AHDC1: variants seen among roughly 807,000 people sequenced by gnomAD.
AHDC1 encodes transcription factor Gibbin.
A neutral mutation model predicts 87.9 loss-of-function variants in AHDC1; 7 were observed. The ratio of observed to expected loss-of-function variants is 0.08; its 90% CI spans 0.05 to 0.15. The LOEUF (loss-of-function observed/expected upper bound fraction) is 0.15, where lower values mean the gene tolerates loss of function less well. Ranked by LOEUF, AHDC1 falls within the 10% of genes least tolerant of loss-of-function variation. AHDC1 has a pLI of 1.00. For synonymous variants in AHDC1, 1,051 were observed against 1,006.8 expected, an observed-to-expected ratio of 1.04 and a Z score of -0.83; for missense variants, 1,841 against 2,253.2, an observed-to-expected ratio of 0.82 and a Z score of 3.70.
At position 27,548,709 on chromosome 1, in the gene AHDC1, A is replaced by C; in HGVS notation, c.3407T>G (p.Val1136Gly). The change falls in exon 8 of 9, where the codon GTC (valine) becomes GGC (glycine). Residue 1136 changes from valine (V) to glycine (G), a missense_variant. By Grantham distance (109) the Val-to-Gly change is moderately radical. Around this residue, in one of 13 missense-constraint regions of AHDC1, gnomAD observed 378 missense variants for 399.0 expected, o/e 0.95. Coordinates refer to ENST00000673934, the MANE Select transcript of AHDC1 (RefSeq NM_001371928.1). Reference protein sequence around the residue: ...QLYNPSFDCHVSEPNVILDIS... With the variant: ...QLYNPSFDCHGSEPNVILDIS... ...GTCCAGGATCACGTTGGGCTCGCTG[A>C]CGTGGCAGTCAAAACTGGGATTGTA... 1 of 1,613,346 alleles carries C rather than the reference A, an allele frequency of 6.2e-7. No homozygotes were observed. Among genetic ancestry groups the C allele is most frequent in the Non-Finnish European group, 8.5e-7 (1 of 1,180,040 alleles).
chr1:27,577,673 C>T (rs1433117387), intron 3 of AHDC1, among the ~76,000 whole-genome samples: 1 of 152,230 alleles, frequency 6.6e-6, no homozygotes, highest in Non-Finnish European at 1.5e-5. Flanking sequence ...TCTCTGGGCC[C>T]CCTGTTTCCA....
chr1:27,547,792 C>T lies in AHDC1; in HGVS notation c.4324G>A (p.Ala1442Thr), dbSNP rs1196298684. Residue 1442 changes from alanine (A) to threonine (T), a missense_variant, in exon 8 of 9, where the codon GCC becomes ACC. Coordinates refer to ENST00000673934, the MANE Select transcript of AHDC1 (RefSeq NM_001371928.1). The surrounding 1 kb of genome is among the most constrained non-coding windows in gnomAD (Gnocchi z 4.9). The part of the protein sequence containing the change: ...ASLGHAAAAQ[A>T]HLSCRDLPLG... Reference sequence around the variant, plus strand: ...GGCAGGTCCCGGCAGCTCAGGTGGGCCTGGGCTGCAGCTGCGTGGCCCAGG... The same window carrying T: ...GGCAGGTCCCGGCAGCTCAGGTGGGTCTGGGCTGCAGCTGCGTGGCCCAGG... 5.7e-6 allele frequency: 9 copies of T among 1,570,314 alleles called. No individual in the cohort carries two copies. Among genetic ancestry groups the T allele is most frequent in the Non-Finnish European group, 6.9e-6 (8 of 1,156,972 alleles).
rs1171473907 is a variant in AHDC1 at position 27,549,827 on chromosome 1, C to T, written c.2289G>A (p.Glu763=). The T allele has an allele frequency of 3.1e-6, 5 of 1,613,666 alleles. No homozygotes were observed. The highest frequency in any genetic ancestry group is 4.2e-6 in the Non-Finnish European group (5 of 1,179,892). ...EQVPSGPGFG[E]AGAEWAGDKG... is the part of the protein sequence containing the mutation. ...TATCCCCGGCCCACTCAGCACCTGC[C>T]TCCCCAAAGCCTGGGCCACTGGGCA... The change falls in exon 8 of 9, where the codon GAG becomes GAA. Residue 763 remains glutamate (E), a synonymous_variant. Transcript: ENST00000673934.
At position 27,593,443 on chromosome 1, in the gene AHDC1, G is replaced by C. The variant is rs533201706; in HGVS notation, c.-629+9954C>G. Among the ~76,000 whole-genome samples the C allele has an allele frequency of 2.6e-5, 4 of 152,326 alleles. No individual in the cohort carries two copies. Among genetic ancestry groups the C allele is most frequent in the Non-Finnish European group, 5.9e-5 (4 of 68,016 alleles). ...CAGGCAGGCTGGGACCCAGGTCCCT[G>C]GTGTCCATGGGCAAAGATGGACCCA... On this transcript the variant is annotated intron_variant, in intron 3 of 8. Coordinates refer to ENST00000673934, the MANE Select transcript of AHDC1 (RefSeq NM_001371928.1). The surrounding 1 kb of genome is among the most constrained non-coding windows in gnomAD (Gnocchi z 4.9).
intron 8 of AHDC1, among the ~76,000 whole-genome samples, chr1:27,544,687 G>T (rs1006562615): frequency 6.6e-6 from 1 of 152,150 alleles, no homozygotes; most frequent in Non-Finnish European, 1.5e-5. Context: ...TGGTGATTTT[G>T]ATCATCCCCT....
At chr1:27,582,216 G>A (rs2088928746) in intron 3 of AHDC1, among the ~76,000 whole-genome samples, 3 of 152,294 alleles carry the variant, frequency 2.0e-5, no homozygotes, top group South Asian at 2.1e-4. Flanking sequence ...ACAGAACAGC[G>A]AATCCCACAG....
At chr1:27,574,995 A>G (rs1375843720) in intron 3 of AHDC1, among the ~76,000 whole-genome samples, 1 of 152,234 alleles carries the variant, frequency 6.6e-6, no homozygotes, top group Non-Finnish European at 1.5e-5. Context: ...GGATTTTCCC[A>G]GCACATCTGC....
chr1:27,590,979 T>A lies in AHDC1; in HGVS notation c.-629+12418A>T, dbSNP rs1340079670. On this transcript the variant is annotated intron_variant, in intron 3 of 8. Transcript: ENST00000673934. The surrounding 1 kb of genome is among the most constrained non-coding windows in gnomAD (Gnocchi z 5.4). ...GAGAAACGAGATGCTCCATGATTTA[T>A]GAGCCTAATTCTTTTCCCTTAAATT... Among the ~76,000 whole-genome samples, 1 of 152,186 alleles carries A rather than the reference T, an allele frequency of 6.6e-6. No individual in the cohort carries two copies. Among genetic ancestry groups the A allele is most frequent in the Non-Finnish European group, 1.5e-5 (1 of 68,016 alleles).
chr1:27,599,302 G>A (rs2089465734), intron 3 of AHDC1, among the ~76,000 whole-genome samples: 1 of 151,852 alleles, frequency 6.6e-6, no homozygotes, highest in Non-Finnish European at 1.5e-5. Context: ...CTCCCTCCCA[G>A]CTCTGGCTCT....
chr1:27,576,962 C>T (rs1310557097), intron 3 of AHDC1, among the ~76,000 whole-genome samples: 1 of 152,294 alleles, frequency 6.6e-6, no homozygotes, highest in African/African-American at 2.4e-5. Flanking sequence ...CCCACACCCC[C>T]CAACGCCAGC....
At chr1:27,566,547 T>G (rs2020323656) in intron 3 of AHDC1, among the ~76,000 whole-genome samples, 1 of 150,012 alleles carries the variant, frequency 6.7e-6, no homozygotes, top group South Asian at 2.1e-4. Context: ...ACAGAGGGAC[T>G]GACACACCCA....
chr1:27,564,519 G>A (rs998519174), intron 3 of AHDC1, among the ~76,000 whole-genome samples: 1 of 152,208 alleles, frequency 6.6e-6, no homozygotes, highest in Non-Finnish European at 1.5e-5. Context: ...GGAAGCTTCT[G>A]ATTGAAGAGA....
In AHDC1 at chr1:27,550,582, G is replaced by A. The variant is rs374849902; in HGVS notation, c.1534C>T (p.Arg512Cys). The A allele has an allele frequency of 1.2e-5, 19 of 1,613,608 alleles. No homozygotes were observed. Among genetic ancestry groups the A allele is most frequent in the East Asian group, 4.5e-5 (2 of 44,888 alleles). ...AGCGGGGTGGGCTCAGCCGACACGC[G>A]CAGGCCCAGCTCCTTGCCCTCCACG... is the stretch of plus-strand genomic sequence containing the variant. ...LSVEGKELGL[R>C]VSAEPTPLLK... The change falls in exon 8 of 9, where the codon CGC (arginine) becomes TGC (cysteine). Residue 512 changes from arginine (R) to cysteine (C), a missense_variant. Transcript: ENST00000673934.
Position 27,561,747 on chromosome 1 carries a change from G to A in AHDC1, c.-628-2864C>T, listed in dbSNP as rs1268371927. On this transcript the variant is annotated intron_variant, in intron 3 of 8. Transcript: ENST00000673934. The surrounding 1 kb of genome is among the most constrained non-coding windows in gnomAD (Gnocchi z 4.2). ...AGAGGAAAAGACAGAGAGGAAGAGG[G>A]AGAAAGATACACAGGGAGACACAGA... Among the ~76,000 whole-genome samples, 1 of 152,072 alleles carries A rather than the reference G, an allele frequency of 6.6e-6. No individual in the cohort carries two copies. The highest frequency in any genetic ancestry group is 1.5e-5 in the Non-Finnish European group (1 of 68,006).
rs1362894709 is a variant in AHDC1, at chr1:27,548,675, G to A, written c.3441C>T (p.Asn1147=). The stretch of plus-strand genomic sequence containing the variant: ...GCTGCTTCACCTTCTGCGGTGTGTA[G>A]TTGGAGATGTCCAGGATCACGTTGG... The part of the protein sequence containing the change: ...SEPNVILDIS[N]YTPQKVKQQT... Residue 1147 remains asparagine (N), a synonymous_variant, in exon 8 of 9, where the codon AAC becomes AAT. Coordinates refer to ENST00000673934, the MANE Select transcript of AHDC1 (RefSeq NM_001371928.1). 6.2e-7 allele frequency: 1 copy of A among 1,613,452 alleles called. No homozygotes were observed. Among genetic ancestry groups the A allele is most frequent in the East Asian group, 2.2e-5 (1 of 44,884 alleles).
At chr1:27,573,758 AT>A (rs1018839414) in intron 3 of AHDC1, among the ~76,000 whole-genome samples, 2 of 152,166 alleles carry the variant, frequency 1.3e-5, no homozygotes, top group Non-Finnish European at 2.9e-5. Flanking sequence ...GCCTTTTATT[AT>A]TTACGTAGAT....
In AHDC1 at chr1:27,547,784, C is replaced by T. The variant is rs2148259376; in HGVS notation, c.4332G>A (p.Leu1444=). Residue 1444 remains leucine, a synonymous_variant, in exon 8 of 9, where the codon CTG becomes CTA. Coordinates refer to ENST00000673934, the MANE Select transcript of AHDC1 (RefSeq NM_001371928.1). This position sits in a 1 kb window ranked among gnomAD's most constrained non-coding sequence, Gnocchi z 4.9. ...LGHAAAAQAH[L]SCRDLPLGQP... The stretch of plus-strand genomic sequence containing the variant: ...GGCCCAGCGGCAGGTCCCGGCAGCT[C>T]AGGTGGGCCTGGGCTGCAGCTGCGT... 6.3e-7 allele frequency: 1 copy of T among 1,578,396 alleles called. No individual in the cohort carries two copies. Among genetic ancestry groups the T allele is most frequent in the East Asian group, 2.3e-5 (1 of 44,280 alleles).
At chr1:27,577,268 T>A (rs1162977638) in intron 3 of AHDC1, among the ~76,000 whole-genome samples, 1 of 152,156 alleles carries the variant, frequency 6.6e-6, no homozygotes, top group Non-Finnish European at 1.5e-5. Flanking sequence ...GACGTGGGCA[T>A]CCAATACAAA....
chr1:27,592,293 C>A (rs1018941137), intron 3 of AHDC1, among the ~76,000 whole-genome samples: 3 of 152,160 alleles, frequency 2.0e-5, no homozygotes, highest in Non-Finnish European at 4.4e-5. Flanking sequence ...CGTCACCACC[C>A]AGCTTGTCAC....
Sources: gnomAD v4.1 joint callset for allele counts (sites outside exome capture counted in the v4.1 genomes callset) on GRCh38, gnomAD v4.1.1 for gene constraint, gnomAD v4.1.1 regional missense constraint, Gnocchi (gnomAD v3.1) non-coding constraint, MANE v1.5 for transcripts, NCBI Gene and HGNC (gene_info 2026-07-23, HGNC 2026-07-21) for gene names.